The following MROH1 variants were observed in gnomAD, a reference collection of about 807,000 sequenced individuals.
MROH1 encodes the protein maestro heat like repeat family member 1.
A neutral mutation model predicts 116.5 loss-of-function variants in MROH1; 117 were observed. The observed-to-expected ratio is 1.00, with a 90% CI of 0.86 to 1.17. MROH1 has a LOEUF of 1.17. Among genes scored for constraint, MROH1 ranks in the 50% most tolerant of loss-of-function variants. The probability of loss-of-function intolerance (pLI) is 0.00; values close to 1 mark genes in which losing one functional copy is unlikely to be tolerated. For synonymous variants in MROH1, 921 were observed against 583.9 expected, an observed-to-expected ratio of 1.58 and a Z score of -8.32; for missense variants, 1,873 against 1,338.5, an observed-to-expected ratio of 1.40 and a Z score of -6.23.
chr8:144,226,297 G>A (rs1837809801), intron 14 of MROH1, among the ~76,000 whole-genome samples: 2 of 152,146 alleles, frequency 1.3e-5, no homozygotes, highest in South Asian at 2.1e-4. Context: ...CCAGCACCAC[G>A]TGTTGAGAAC....
rs367554311 is a variant in MROH1, at chr8:144,200,416, G to A, written c.1028-12G>A. On this transcript the variant is annotated splice_polypyrimidine_tract_variant and intron_variant, in intron 11 of 43. Transcript: ENST00000326134. The stretch of plus-strand genomic sequence containing the variant: ...ATGACATGGAGCCTAATCTGTACCC[G>A]TTGCCCTGTAGCCTGCAGCTCGCCT... 6.2e-5 allele frequency: 96 copies of A among 1,542,808 alleles called. No homozygotes were observed. Among genetic ancestry groups the A allele is most frequent in the African/African-American group, 3.7e-4 (27 of 72,932 alleles).
chr8:144,167,943 C>T (rs1322627214), intron 3 of MROH1, among the ~76,000 whole-genome samples: 2 of 152,064 alleles, frequency 1.3e-5, no homozygotes, highest in Non-Finnish European at 2.9e-5. Context: ...GAAGCTCAGG[C>T]CATGTGATCA....
intron 1 of MROH1, among the ~76,000 whole-genome samples, chr8:144,159,354 G>A (rs1048983365): frequency 6.6e-6 from 1 of 152,150 alleles, no homozygotes; most frequent in African/African-American, 2.4e-5. Flanking sequence ...GCGAAACTCC[G>A]TGTCAAAAAG....
chr8:144,237,066 C>T (rs1180621294), intron 14 of MROH1, among the ~76,000 whole-genome samples: 1 of 151,566 alleles, frequency 6.6e-6, no homozygotes, highest in Non-Finnish European at 1.5e-5. Flanking sequence ...CCACCACGCC[C>T]GGCTAATTTT....
chr8:144,255,140 C>A (rs1843478975), intron 34 of MROH1, among the ~76,000 whole-genome samples, 162 bp downstream of exon 34: 1 of 152,232 alleles, frequency 6.6e-6, no homozygotes, highest in African/African-American at 2.4e-5. Context: ...AAAGGCCTCA[C>A]AGGTGTGGGC....
intron 12 of MROH1, among the ~76,000 whole-genome samples, chr8:144,204,591 G>T (rs1173549870): frequency 6.6e-6 from 1 of 152,156 alleles, no homozygotes; most frequent in Non-Finnish European, 1.5e-5. Flanking sequence ...CCCTCAGAAG[G>T]GGTGACTTCT....
chr8:144,210,897 A>C (rs1833959874), intron 12 of MROH1, among the ~76,000 whole-genome samples: 1 of 151,740 alleles, frequency 6.6e-6, no homozygotes, highest in African/African-American at 2.4e-5. Context: ...TGTTAAGTAC[A>C]TTCTCATTGT....
Position 144,260,914 on chromosome 8 carries a change from G to A in MROH1, c.4544G>A (p.Arg1515Lys). The A allele has an allele frequency of 1.3e-6, 1 of 777,624 alleles. No homozygotes were observed. Among genetic ancestry groups the A allele is most frequent in the Non-Finnish European group, 2.4e-6 (1 of 417,760 alleles). 48.2% of individuals were successfully genotyped at this position (777,624 alleles called of 1,614,324 possible). ...CAGTGCCGCATCCCTTAGGCCTGCA[G>A]GTTTGCCCTGCGCATGTGTGGCCCC... ...DPQATVASAC[R>K]FALRMCGPNL... The change falls in exon 41 of 44, where the codon AGG becomes AAG. Residue 1515 changes from arginine to lysine, a missense_variant. By Grantham distance (26) the Arg-to-Lys change is conservative. Coordinates refer to ENST00000326134, the MANE Select transcript of MROH1 (RefSeq NM_032450.3).
Position 144,223,242 on chromosome 8 carries a change from C to T in MROH1, c.1338+12C>T. The T allele has an allele frequency of 1.3e-6, 2 of 1,589,728 alleles. No homozygotes were observed. Among genetic ancestry groups the T allele is most frequent in the South Asian group, 1.1e-5 (1 of 87,638 alleles). Reference sequence around the variant, plus strand: ...CCCCCGAGCAGGAGGTAAGGGGCTGCCACCTTGCCTGCCTCCTAGGCCCAC... The same window carrying T: ...CCCCCGAGCAGGAGGTAAGGGGCTGTCACCTTGCCTGCCTCCTAGGCCCAC... On this transcript the variant is annotated intron_variant, in intron 14 of 43. Coordinates refer to ENST00000326134, the MANE Select transcript of MROH1 (RefSeq NM_032450.3).
At chr8:144,242,942 C>G (rs1481295325) in intron 24 of MROH1, among the ~76,000 whole-genome samples, 1 of 152,208 alleles carries the variant, frequency 6.6e-6, no homozygotes, top group Admixed American at 6.5e-5. Flanking sequence ...CTCCCCAGTG[C>G]TCATGGGGGC....
At chr8:144,243,826 T>C in intron 25 of MROH1, 37 bp from the exon 26 acceptor site, 1 of 766,362 alleles carries the variant, frequency 1.3e-6, no homozygotes, top group South Asian at 1.4e-5. Flanking sequence ...AGCTGGCGTT[T>C]CCTCCAAGGG....
At chr8:144,167,153 G>A (rs1011583307) in intron 3 of MROH1, among the ~76,000 whole-genome samples, 10 of 152,192 alleles carry the variant, frequency 6.6e-5, no homozygotes, top group African/African-American at 2.4e-4. Flanking sequence ...CCACAAACCA[G>A]CCTGGAGGGT....
At chr8:144,210,874 A>G (rs1472039673) in intron 12 of MROH1, among the ~76,000 whole-genome samples, 1 of 152,120 alleles carries the variant, frequency 6.6e-6, no homozygotes, top group Non-Finnish European at 1.5e-5. Flanking sequence ...TTTTTAAGCA[A>G]ATGCTTCAGT....
intron 12 of MROH1, among the ~76,000 whole-genome samples, chr8:144,219,740 G>A (rs1836298182): frequency 6.6e-6 from 1 of 152,194 alleles, no homozygotes; most frequent in Non-Finnish European, 1.5e-5. Flanking sequence ...GCATTAATTA[G>A]GGGAACATTG....
At chr8:144,195,633 C>T (rs889091394) in intron 10 of MROH1, among the ~76,000 whole-genome samples, 4 of 151,736 alleles carry the variant, frequency 2.6e-5, no homozygotes, top group African/African-American at 7.3e-5. Flanking sequence ...TGAGCCACTG[C>T]ACCTGGCCTA....
chr8:144,261,908 A>G lies in MROH1; in HGVS notation c.*168A>G. On this transcript the variant is annotated 3_prime_UTR_variant, in exon 44 of 44. Transcript: ENST00000326134. ...AGCCCTTCAGTGAGGGATGTGCCCA[A>G]TAAACTCATCTGCTCCCAGCGAGTG... 1 of 660,912 alleles carries G rather than the reference A, an allele frequency of 1.5e-6. No individual in the cohort carries two copies. Among genetic ancestry groups the G allele is most frequent in the Non-Finnish European group, 2.7e-6 (1 of 366,912 alleles). The allele number at this position is 660,912 out of a possible 1,614,324, so 40.9% of individuals were successfully genotyped here. A position where few individuals can be genotyped will look rare whatever the true frequency, so the allele number is the denominator to read the frequency against.
chr8:144,191,271 T>C (rs1828521281), intron 8 of MROH1, among the ~76,000 whole-genome samples: 1 of 152,188 alleles, frequency 6.6e-6, no homozygotes, highest in South Asian at 2.1e-4. Context: ...GGTTTCGCCA[T>C]GTTGGCCAGG....
chr8:144,247,401 T>C lies in MROH1; in HGVS notation c.2972T>C (p.Val991Ala). The change falls in exon 30 of 44, where the codon GTC becomes GCC. Residue 991 changes from valine (V) to alanine (A), a missense_variant. Val to Ala is a moderately conservative substitution (Grantham distance 64, BLOSUM62 0). Transcript: ENST00000326134. ...ACCCGCCAGGAGGCCGTGGACTGTG[T>C]CTACTCCCTGCTGTACCTCCAGCTC... is the stretch of plus-strand genomic sequence containing the variant. ...PATRQEAVDC[V>A]YSLLYLQLGY... is the part of the protein sequence containing the mutation. The C allele has an allele frequency of 1.3e-6, 1 of 771,618 alleles. No individual in the cohort carries two copies. The highest frequency in any genetic ancestry group is 2.4e-6 in the Non-Finnish European group (1 of 413,922). 47.8% of individuals were successfully genotyped at this position (771,618 alleles called of 1,614,324 possible). A position where few individuals can be genotyped will look rare whatever the true frequency, so the allele number is the denominator to read the frequency against.
At chr8:144,159,869 G>A (rs984505510) in intron 1 of MROH1, among the ~76,000 whole-genome samples, 2 of 149,122 alleles carry the variant, frequency 1.3e-5, no homozygotes, top group East Asian at 2.0e-4. Context: ...CCGGGTTCAC[G>A]CCATTCTCCT....
Sources: allele counts gnomAD v4.1 joint callset (sites outside exome capture counted in the v4.1 genomes callset), GRCh38; gene constraint gnomAD v4.1.1; transcripts MANE v1.5; gene names NCBI Gene and HGNC (gene_info 2026-07-23, HGNC 2026-07-21).